Variants in HSPBAP1 observed in about 807,000 individuals in gnomAD.
The protein encoded by HSPBAP1 is HSPB1-associated protein 1.
Under a neutral mutation model 45.2 loss-of-function variants are expected in HSPBAP1, and 27 were observed. The ratio of observed to expected loss-of-function variants is 0.60; its 90% CI spans 0.44 to 0.82. The LOEUF (loss-of-function observed/expected upper bound fraction) is 0.82. HSPBAP1 is among the 40% of genes least tolerant of loss of function. The pLI is 0.00. For missense variants in HSPBAP1, 510 were observed against 590.9 expected, an observed-to-expected ratio of 0.86 and a Z score of 1.42; for synonymous variants, 204 against 202.7, an observed-to-expected ratio of 1.01 and a Z score of -0.06.
In HSPBAP1 at chr3:122,759,345, C is replaced by A; in HGVS notation, c.448G>T (p.Asp150Tyr). Residue 150 changes from aspartate to tyrosine, a missense_variant, in exon 4 of 8, where the codon GAC becomes TAC. Transcript: ENST00000306103. ...CCATTTCTTCCAGGAAACCCGAAGT[C>A]AGACCATTTCACATCCTGTTTTGAA... ...TDLFQDVKWS[D>Y]FGFPGRNGQE... 1 of 1,613,572 alleles carries A rather than the reference C, an allele frequency of 6.2e-7. No individual in the cohort carries two copies. The highest frequency in any genetic ancestry group is 1.1e-5 in the South Asian group (1 of 91,064).
rs955238171 is a variant in HSPBAP1, at chr3:122,768,689, G to A, written c.432+12C>T. 3 of 1,583,772 alleles carry A rather than the reference G, an allele frequency of 1.9e-6. No homozygotes were observed. The highest frequency in any genetic ancestry group is 2.6e-6 in the Non-Finnish European group (3 of 1,154,350). ...AATTCCTACCAAGATTAGAAGGAAG[G>A]TTCTGACTTACCTGGAAAAGATCTG... On this transcript the variant is annotated intron_variant, in intron 3 of 7. Coordinates refer to ENST00000306103, the MANE Select transcript of HSPBAP1 (RefSeq NM_024610.6).
intron 4 of HSPBAP1, among the ~76,000 whole-genome samples, chr3:122,756,187 A>G (rs923563809): frequency 2.0e-5 from 3 of 152,158 alleles, no homozygotes; most frequent in African/African-American, 7.2e-5. Flanking sequence ...CAAAGAGAAA[A>G]GAGGGAAAAA....
chr3:122,747,605 C>T (rs1933941056), intron 6 of HSPBAP1, among the ~76,000 whole-genome samples: 1 of 149,028 alleles, frequency 6.7e-6, no homozygotes, highest in Non-Finnish European at 1.5e-5. Context: ...CCCCGCCCGG[C>T]CAGCCGCCCC....
At chr3:122,765,545 C>T (rs1934747980) in intron 3 of HSPBAP1, among the ~76,000 whole-genome samples, 2 of 145,348 alleles carry the variant, frequency 1.4e-5, no homozygotes, top group African/African-American at 2.6e-5. Context: ...CATGTGACTG[C>T]ACTCCAGCCT....
chr3:122,756,881 T>C (rs903795409), intron 4 of HSPBAP1, among the ~76,000 whole-genome samples: 2 of 152,158 alleles, frequency 1.3e-5, no homozygotes, highest in African/African-American at 4.8e-5. Context: ...GTTTTCAGTA[T>C]TGATATGCTT....
At position 122,775,086 on chromosome 3, in the gene HSPBAP1, T is replaced by C. The variant is rs1560150870; in HGVS notation, c.250+2635A>G. On this transcript the variant is annotated intron_variant, in intron 2 of 7. Coordinates refer to ENST00000306103, the MANE Select transcript of HSPBAP1 (RefSeq NM_024610.6). ...ATATTACGTAGCCATTGAAAAATCA[T>C]ACAATCTCAAGAGAAGCTGCTCAGA... is the stretch of plus-strand genomic sequence containing the variant. 2.0e-5 allele frequency among the ~76,000 whole-genome samples: 3 copies of C among 151,536 alleles called. No homozygotes were observed. The South Asian group carries it at 6.3e-4, about 32-fold the overall frequency.
chr3:122,789,864 CTTTT>C (rs368711372), intron 1 of HSPBAP1, among the ~76,000 whole-genome samples: 2 of 137,158 alleles, frequency 1.5e-5, no homozygotes, highest in Non-Finnish European at 3.1e-5. Context: ...GCCAAAGCTT[CTTTT>C]TTTTTTTTTT....
chr3:122,750,869 T>A (rs1403694395), intron 6 of HSPBAP1, among the ~76,000 whole-genome samples: 2 of 152,182 alleles, frequency 1.3e-5, no homozygotes, highest in African/African-American at 4.8e-5. Flanking sequence ...TTTAAAATTA[T>A]CTTGTCAAGC....
chr3:122,754,749 C>T (rs1934281268), intron 5 of HSPBAP1: 3 of 985,636 alleles, frequency 3.0e-6, no homozygotes, highest in Non-Finnish European at 3.6e-6. Flanking sequence ...TGTACAGTAC[C>T]TTTGGAAATG....
intron 1 of HSPBAP1, among the ~76,000 whole-genome samples, chr3:122,791,670 G>T (rs1172988389): frequency 6.6e-6 from 1 of 152,320 alleles, no homozygotes; most frequent in East Asian, 1.9e-4. Flanking sequence ...TAAATAGTTT[G>T]ATCTGGTAAG....
chr3:122,755,409 G>A lies in HSPBAP1; in HGVS notation c.592C>T (p.Pro198Ser). ...GGATAAAGGAAAGGAGTATCTTCAG[G>A]AGGAAAGAGATGCCATCGTTTCCTA... Reference protein sequence around the residue: ...QGRKRWHLFPPEDTPFLYPTR... With the variant: ...QGRKRWHLFPSEDTPFLYPTR... Residue 198 changes from proline to serine, a missense_variant, in exon 5 of 8, where the codon CCT becomes TCT. Pro to Ser is a moderately conservative substitution (Grantham distance 74). Transcript: ENST00000306103. 2 of 1,501,970 alleles carry A rather than the reference G, an allele frequency of 1.3e-6. No homozygotes were observed. The highest frequency in any genetic ancestry group is 1.8e-6 in the Non-Finnish European group (2 of 1,126,022). 93.0% of individuals were successfully genotyped at this position (1,501,970 alleles called of 1,614,324 possible). A position where few individuals can be genotyped will look rare whatever the true frequency, so the allele number is the denominator to read the frequency against.
chr3:122,789,749 T>G (rs1935764595), intron 1 of HSPBAP1, among the ~76,000 whole-genome samples: 1 of 152,218 alleles, frequency 6.6e-6, no homozygotes, highest in South Asian at 2.1e-4. Context: ...ACCAAGGTGA[T>G]TAGTTCCACG....
At chr3:122,754,814 T>C in intron 5 of HSPBAP1, 2 of 987,126 alleles carry the variant, frequency 2.0e-6, no homozygotes, top group South Asian at 9.4e-5. Flanking sequence ...AAAGCAAACA[T>C]TCTCGGTTCC....
chr3:122,758,081 C>T lies in HSPBAP1; in HGVS notation c.569+1143G>A, dbSNP rs113381729. 3.3e-4 allele frequency among the ~76,000 whole-genome samples: 50 copies of T among 152,346 alleles called. 1 individual carries two copies. The highest frequency in any genetic ancestry group is 1.2e-3 in the African/African-American group (49 of 41,574). On this transcript the variant is annotated intron_variant, in intron 4 of 7. Transcript: ENST00000306103. ...TTCACATGTGAAATGTATCCACAGA[C>T]ATACTGACTATTTCTCCTGAATCTG...
intron 1 of HSPBAP1, among the ~76,000 whole-genome samples, chr3:122,792,861 C>T (rs948950456): frequency 2.1e-4 from 28 of 134,202 alleles, no homozygotes; most frequent in Admixed American, 1.3e-3. Flanking sequence ...CAGAGCGAGA[C>T]TCCGTCTCAA....
At chr3:122,747,146 G>C (rs944791640) in intron 6 of HSPBAP1, among the ~76,000 whole-genome samples, 2 of 151,704 alleles carry the variant, frequency 1.3e-5, no homozygotes, top group Admixed American at 6.6e-5. Flanking sequence ...CCTCTGCCCG[G>C]CTGCCCAGTC....
chr3:122,788,632 A>G (rs957744749), intron 1 of HSPBAP1, among the ~76,000 whole-genome samples: 2 of 152,228 alleles, frequency 1.3e-5, no homozygotes, highest in Non-Finnish European at 2.9e-5. Flanking sequence ...AGGAAATTCT[A>G]TCATATACTA....
intron 1 of HSPBAP1, among the ~76,000 whole-genome samples, chr3:122,791,524 C>A (rs567130682): frequency 6.6e-6 from 1 of 152,336 alleles, no homozygotes; most frequent in South Asian, 2.1e-4. Flanking sequence ...GTCCTGCCCT[C>A]AAGGTACTTA....
chr3:122,790,802 T>C (rs1470093066), intron 1 of HSPBAP1, among the ~76,000 whole-genome samples: 1 of 152,184 alleles, frequency 6.6e-6, no homozygotes, highest in Non-Finnish European at 1.5e-5. Flanking sequence ...CGGAACATTG[T>C]GAGACCCTGT....
Sources: allele counts gnomAD v4.1 joint callset (sites outside exome capture counted in the v4.1 genomes callset), GRCh38; gene constraint gnomAD v4.1.1; transcripts MANE v1.5; gene names NCBI Gene and HGNC (gene_info 2026-07-23, HGNC 2026-07-21).